The following SAMD4A variants were observed in gnomAD, a reference collection of about 807,000 sequenced individuals.
SAMD4A encodes protein Smaug homolog 1.
SAMD4A carries 33 observed loss-of-function variants against 81.3 expected under a neutral mutation model. The observed-to-expected ratio is 0.41, with a 90% CI of 0.31 to 0.54. The LOEUF (loss-of-function observed/expected upper bound fraction) is 0.54. Among genes scored for constraint, SAMD4A ranks in the 20% least tolerant of loss-of-function variants. SAMD4A has a pLI of 0.37. For missense variants in SAMD4A, 854 were observed against 951.1 expected (o/e 0.90, Z 1.34); for synonymous variants, 389 against 382.1 (o/e 1.02, Z -0.21).
intron 5 of SAMD4A, among the ~76,000 whole-genome samples, chr14:54,750,621 C>G (rs1337387685): frequency 6.6e-6 from 1 of 152,150 alleles, no homozygotes; most frequent in Non-Finnish European, 1.5e-5. Context: ...AAACAAAAGA[C>G]AAGCTGCAAA....
At chr14:54,653,297 CTTAATATTATTA>C (rs1566567700) in intron 2 of SAMD4A, among the ~76,000 whole-genome samples, 2 of 133,486 alleles carry the variant, frequency 1.5e-5, no homozygotes, top group Non-Finnish European at 3.1e-5. Flanking sequence ...AAGACTTCCT[CTTAATATTATTA>C]TTATTATTAT....
At chr14:54,607,194 G>T (rs532116558) in intron 2 of SAMD4A, among the ~76,000 whole-genome samples, 1 of 152,212 alleles carries the variant, frequency 6.6e-6, no homozygotes, top group African/African-American at 2.4e-5. Context: ...GAGGGAGGGC[G>T]TTCCTGATGC....
Position 54,606,212 on chromosome 14 carries a change from T to TGTGC in SAMD4A, c.196+38101_196+38102insTGCG, listed in dbSNP as rs1051852191. Among the ~76,000 whole-genome samples, 531 of 150,368 alleles carry TGTGC rather than the reference T, an allele frequency of 3.5e-3. 2 individuals are homozygous for TGTGC. Among genetic ancestry groups the TGTGC allele is most frequent in the African/African-American group, 0.012 (478 of 41,054 alleles). Reference sequence around the variant, plus strand: ...GTGTGTGTGTGTGTGTGTGTGTGTGTGCGTGCACGTGCACGTGCACGTGTG... The same window carrying TGTGC: ...GTGTGTGTGTGTGTGTGTGTGTGTGTGTGCGCGTGCACGTGCACGTGCACGTGTG... On this transcript the variant is annotated intron_variant, in intron 2 of 12. Coordinates refer to ENST00000554335, the MANE Select transcript of SAMD4A (RefSeq NM_015589.6).
At chr14:54,735,522 A>G (rs115222021) in intron 3 of SAMD4A, among the ~76,000 whole-genome samples, 3,663 of 152,272 alleles carry the variant, frequency 0.024, 61 homozygotes, top group Middle Eastern at 0.099. Flanking sequence ...AGAAGTTTCT[A>G]GCCCTTCCGA....
At chr14:54,723,804 C>CAG (rs2037324211) in intron 3 of SAMD4A, among the ~76,000 whole-genome samples, 1 of 152,176 alleles carries the variant, frequency 6.6e-6, no homozygotes, top group African/African-American at 2.4e-5. Flanking sequence ...AGTACCTATG[C>CAG]AGAGAGATGC....
intron 9 of SAMD4A, among the ~76,000 whole-genome samples, chr14:54,773,293 C>T (rs571138478): frequency 1.3e-5 from 2 of 152,320 alleles, no homozygotes; most frequent in East Asian, 3.9e-4. Context: ...GACTGTTCTG[C>T]AGGCCCCTAT....
chr14:54,762,323 T>G (rs924097407), intron 7 of SAMD4A, among the ~76,000 whole-genome samples: 24 of 152,230 alleles, frequency 1.6e-4, no homozygotes, highest in African/African-American at 5.8e-4. Context: ...ATTTTTTCTC[T>G]GTTATTGTCC....
In SAMD4A at chr14:54,702,306, G is replaced by A. The variant is rs1418117793; in HGVS notation, c.441G>A (p.Leu147=). Residue 147 remains leucine, a synonymous_variant, in exon 3 of 13, where the codon CTG becomes CTA. Transcript: ENST00000554335. The stretch of plus-strand genomic sequence containing the variant: ...ACCGTAGTGCTTTAGCCATGTGGCT[G>A]AATCACTTGGAGGACCGCACGTCGA... ...LEDRSALAMW[L]NHLEDRTSTS... is the part of the protein sequence containing the mutation. The A allele has an allele frequency of 6.2e-7, 1 of 1,613,942 alleles. No individual in the cohort carries two copies. Among genetic ancestry groups the A allele is most frequent in the East Asian group, 2.2e-5 (1 of 44,900 alleles).
At chr14:54,684,985 C>T (rs1450111857) in intron 2 of SAMD4A, among the ~76,000 whole-genome samples, 3 of 152,140 alleles carry the variant, frequency 2.0e-5, no homozygotes, top group Admixed American at 6.5e-5. Context: ...GCTGCAGGGG[C>T]CTGGAAATCA....
chr14:54,576,646 G>T (rs2794262), intron 2 of SAMD4A, among the ~76,000 whole-genome samples: 2,956 of 152,204 alleles, frequency 0.019, 83 homozygotes, highest in East Asian at 0.1. Context: ...AGTGGGAAAG[G>T]GGGGAGATAG....
chr14:54,724,007 T>TGGATGGATGGAAGGAAGGAAGGAAGGAA (rs1555347506), intron 3 of SAMD4A, among the ~76,000 whole-genome samples: 1 of 124,176 alleles, frequency 8.1e-6, no homozygotes, highest in East Asian at 2.5e-4. Context: ...GATGGATGGA[T>TGGATGGATGGAAGGAAGGAAGGAAGGAA]GGAAGGAAGG....
chr14:54,655,038 C>T (rs549703514), intron 2 of SAMD4A, among the ~76,000 whole-genome samples: 71 of 152,278 alleles, frequency 4.7e-4, no homozygotes, highest in African/African-American at 1.1e-3. Flanking sequence ...CTTTTTTCAT[C>T]GGAGACTAGG....
In SAMD4A at chr14:54,784,581, G is replaced by A; in HGVS notation, c.2089G>A (p.Glu697Lys). The A allele has an allele frequency of 6.2e-7, 1 of 1,614,162 alleles. No homozygotes were observed. Among genetic ancestry groups the A allele is most frequent in the Non-Finnish European group, 8.5e-7 (1 of 1,180,024 alleles). The change falls in exon 12 of 13, where the codon GAG becomes AAG. Residue 697 changes from glutamate to lysine, a missense_variant. This residue lies in a region of SAMD4A where 428 missense variants were observed against 471.2 expected (regional missense o/e 0.91). Coordinates refer to ENST00000554335, the MANE Select transcript of SAMD4A (RefSeq NM_015589.6). Reference sequence around the variant, plus strand: ...CGAACCTGACATCAACAACAGGCTGGAGTCGTTGTGCCTCAGTATGACCGA... The same window carrying A: ...CGAACCTGACATCAACAACAGGCTGAAGTCGTTGTGCCTCAGTATGACCGA... ...VTEPDINNRLESLCLSMTEHA... is the reference protein window; with the variant it reads ...VTEPDINNRLKSLCLSMTEHA...
At chr14:54,619,835 G>T (rs1414375707) in intron 2 of SAMD4A, among the ~76,000 whole-genome samples, 1 of 152,106 alleles carries the variant, frequency 6.6e-6, no homozygotes, top group Non-Finnish European at 1.5e-5. Context: ...CTTTTTTATG[G>T]CTGCATAGTA....
At position 54,685,603 on chromosome 14, in the gene SAMD4A, G is replaced by A. The variant is rs138300900; in HGVS notation, c.197-16459G>A. 574 of 426,182 alleles carry A rather than the reference G, an allele frequency of 1.3e-3. 3 individuals carry two copies. The highest frequency in any genetic ancestry group is 1.9e-3 in the Admixed American group (70 of 37,668). The allele number at this position is 426,182 out of a possible 1,614,324, so 26.4% of individuals were successfully genotyped here. A position where few individuals can be genotyped will look rare whatever the true frequency, so the allele number is the denominator to read the frequency against. ...TGTTCGTAGATTTTTTTTCTTTGTG[G>A]TTTCAGAAAAACTGATCTTAGCCAA... On this transcript the variant is annotated intron_variant, in intron 2 of 12. Transcript: ENST00000554335.
intron 8 of SAMD4A, among the ~76,000 whole-genome samples, chr14:54,767,337 T>A (rs1374051523): frequency 1.3e-5 from 2 of 152,070 alleles, no homozygotes; most frequent in Non-Finnish European, 2.9e-5. Flanking sequence ...GGGAAGGTAT[T>A]GAGTGGGCCA....
At chr14:54,726,759 A>G (rs1178644156) in intron 3 of SAMD4A, among the ~76,000 whole-genome samples, 2 of 152,030 alleles carry the variant, frequency 1.3e-5, no homozygotes, top group Admixed American at 6.6e-5. Flanking sequence ...GGACCTGGGC[A>G]TCGGGGTTTT....
chr14:54,667,590 A>G (rs1371546514), intron 2 of SAMD4A, among the ~76,000 whole-genome samples: 1 of 152,110 alleles, frequency 6.6e-6, no homozygotes, highest in Non-Finnish European at 1.5e-5. Flanking sequence ...CCTGCTATTC[A>G]CCTGGGATCA....
chr14:54,644,710 G>A (rs549871612), intron 2 of SAMD4A, among the ~76,000 whole-genome samples: 1 of 152,340 alleles, frequency 6.6e-6, no homozygotes, highest in East Asian at 1.9e-4. Context: ...TGTAAAACCT[G>A]TAGTAAGTTA....
Sources: allele counts gnomAD v4.1 joint callset (sites outside exome capture counted in the v4.1 genomes callset), GRCh38; gene constraint gnomAD v4.1.1; regional missense constraint gnomAD v4.1.1; transcripts MANE v1.5; gene names NCBI Gene and HGNC (gene_info 2026-07-23, HGNC 2026-07-21).